Variants in FAM151B observed in about 807,000 individuals in gnomAD.
FAM151B encodes the protein protein FAM151B.
A neutral mutation model predicts 31.2 loss-of-function variants in FAM151B; 24 were observed. The observed-to-expected ratio is 0.77, with a 90% CI of 0.56 to 1.08. The LOEUF is 1.08. Among genes scored for constraint, FAM151B ranks in the 50% least tolerant of loss-of-function variants. The probability of loss-of-function intolerance (pLI) is 0.00; values close to 1 mark genes in which losing one functional copy is unlikely to be tolerated. For missense variants in FAM151B, 293 were observed against 328.6 expected (o/e 0.89, Z 0.84); for synonymous variants, 105 against 111.4 (o/e 0.94, Z 0.36).
chr5:80,498,693 G>T, intron 1 of FAM151B: 1 of 605,462 alleles, frequency 1.7e-6, no homozygotes, highest in South Asian at 1.4e-5. Flanking sequence ...TTTCAGGACA[G>T]CCAGCTTCAT....
intron 1 of FAM151B, 57 bp downstream of exon 1, chr5:80,488,205 C>T (rs1197662164): frequency 6.6e-7 from 1 of 1,513,616 alleles, no homozygotes; most frequent in East Asian, 2.6e-5. Context: ...GAGGCTCCGC[C>T]GGCCGTACCC....
intron 4 of FAM151B, among the ~76,000 whole-genome samples, chr5:80,521,673 G>T (rs1233814682): frequency 9.2e-5 from 14 of 152,108 alleles, no homozygotes; most frequent in Non-Finnish European, 2.1e-4. Flanking sequence ...GTACCTAAAA[G>T]AAGAGCCTTA....
At chr5:80,500,994 A>G (rs1172535974) in intron 1 of FAM151B, 1 of 622,498 alleles carries the variant, frequency 1.6e-6, no homozygotes, top group Non-Finnish European at 2.8e-6. Flanking sequence ...GAATGAAGAA[A>G]AAGACCATCC....
chr5:80,501,889 C>T lies in FAM151B; in HGVS notation c.123C>T (p.His41=). The change falls in exon 2 of 6, where the codon CAC becomes CAT. Residue 41 remains histidine (H), a synonymous_variant. Transcript: ENST00000282226. ...AEITWYHAAN[H]KAQTNEALKS... ...TCACCTGGTATCATGCAGCTAACCA[C>T]AAGGCACAAACAAATGAGGCACTGA... 1 of 1,603,390 alleles carries T rather than the reference C, an allele frequency of 6.2e-7. No homozygotes were observed.
intron 4 of FAM151B, 114 bp from the exon 5 acceptor site, chr5:80,521,889 G>A (rs1454360654): frequency 7.5e-6 from 5 of 667,748 alleles, no homozygotes; most frequent in Non-Finnish European, 1.1e-5. Flanking sequence ...AAAGTATTAT[G>A]AATTACCTAT....
chr5:80,488,420 T>C lies in FAM151B; in HGVS notation c.25+272T>C, dbSNP rs370336267. 1.1e-4 allele frequency among the ~76,000 whole-genome samples: 17 copies of C among 152,304 alleles called. 1 individual carries two copies. Among genetic ancestry groups the C allele is most frequent in the African/African-American group, 3.8e-4 (16 of 41,582 alleles). ...GGGTCAGTGTCTTTTGAGGTCTGGG[T>C]TGGAAAGAAAGGAATGTGACGTTTC... On this transcript the variant is annotated intron_variant, in intron 1 of 5. Transcript: ENST00000282226.
intron 5 of FAM151B, among the ~76,000 whole-genome samples, chr5:80,524,489 C>G (rs1355251174): frequency 1.3e-5 from 2 of 152,004 alleles, no homozygotes; most frequent in Non-Finnish European, 2.9e-5. Context: ...TACCTACTTA[C>G]TCTCATTTTA....
chr5:80,494,467 T>TC (rs59196389), intron 1 of FAM151B, among the ~76,000 whole-genome samples: 13 of 47,426 alleles, frequency 2.7e-4, no homozygotes, highest in African/African-American at 7.2e-4. Context: ...TTTCTTTCTT[T>TC]CTTTCTTTCT....
intron 1 of FAM151B, chr5:80,500,914 A>G: frequency 1.3e-6 from 1 of 769,980 alleles, no homozygotes; most frequent in Non-Finnish European, 2.3e-6. Context: ...TGAGATCTAT[A>G]CTGTTGGAAA....
chr5:80,527,185 G>T (rs1468803355), intron 5 of FAM151B, among the ~76,000 whole-genome samples: 1 of 152,124 alleles, frequency 6.6e-6, no homozygotes, highest in Non-Finnish European at 1.5e-5. Flanking sequence ...CACTTTGAGA[G>T]GCCAAGGTGG....
At chr5:80,493,197 C>T (rs140027701) in intron 1 of FAM151B, among the ~76,000 whole-genome samples, 7 of 152,180 alleles carry the variant, frequency 4.6e-5, no homozygotes, top group East Asian at 1.9e-4. Context: ...CAGCTGGAGC[C>T]GAGGCAGAAG....
rs869249722 is a variant in FAM151B, at chr5:80,494,443, T to TTTTC, written c.25+6307_25+6310dup. 7.2e-4 allele frequency among the ~76,000 whole-genome samples: 61 copies of TTTTC among 84,448 alleles called. 1 individual carries two copies. Among genetic ancestry groups the TTTTC allele is most frequent in the African/African-American group, 1.3e-3 (34 of 26,522 alleles). 55.4% of individuals were successfully genotyped at this position (84,448 alleles called of 152,430 possible). A position where few individuals can be genotyped will look rare whatever the true frequency, so the allele number is the denominator to read the frequency against. ...TTTCTTTCTTTCTGTCTTTCTTTCT[T>TTTTC]TTTCTTTCTTTCTTTTCTTTCTTTC... On this transcript the variant is annotated intron_variant, in intron 1 of 5. Transcript: ENST00000282226.
chr5:80,506,190 C>A (rs897577138), intron 2 of FAM151B: 4 of 850,476 alleles, frequency 4.7e-6, no homozygotes, highest in Non-Finnish European at 5.7e-6. Flanking sequence ...TCATATTGCT[C>A]CCATGGTGGG....
intron 1 of FAM151B, among the ~76,000 whole-genome samples, chr5:80,493,294 C>G (rs1204820441): frequency 6.6e-6 from 1 of 152,176 alleles, no homozygotes; most frequent in African/African-American, 2.4e-5. Context: ...ACTTTAATCT[C>G]TTAATCATGT....
At chr5:80,493,848 A>T (rs1422311231) in intron 1 of FAM151B, among the ~76,000 whole-genome samples, 1 of 152,094 alleles carries the variant, frequency 6.6e-6, no homozygotes, top group Non-Finnish European at 1.5e-5. Context: ...TTGCCTTGTG[A>T]TCTTAATTGC....
chr5:80,516,447 C>T (rs908318957), intron 3 of FAM151B, among the ~76,000 whole-genome samples: 4 of 152,060 alleles, frequency 2.6e-5, no homozygotes, highest in Non-Finnish European at 2.9e-5. Context: ...ATTTTAAGTA[C>T]GATATTTATT....
At chr5:80,501,605 A>G (rs1743750532) in intron 1 of FAM151B, among the ~76,000 whole-genome samples, 187 bp from the exon 2 acceptor site, 1 of 152,066 alleles carries the variant, frequency 6.6e-6, no homozygotes, top group Non-Finnish European at 1.5e-5. Context: ...GAGAAAACAG[A>G]TATGTGAGAT....
rs2443552 is a variant in FAM151B, at chr5:80,536,160, A to T, written c.672-5513A>T. 9.7e-3 allele frequency among the ~76,000 whole-genome samples: 1,373 copies of T among 141,962 alleles called. 21 individuals are homozygous for T. The highest frequency in any genetic ancestry group is 0.031 in the African/African-American group (1,233 of 40,194). 93.1% of individuals were successfully genotyped at this position (141,962 alleles called of 152,430 possible). A position where few individuals can be genotyped will look rare whatever the true frequency, so the allele number is the denominator to read the frequency against. The stretch of plus-strand genomic sequence containing the variant: ...CGAGGGTTTTAGTTTAGTTTAGTTT[A>T]GTTTTGTTTTGTTTTGTTTTGTTTT... On this transcript the variant is annotated intron_variant, in intron 5 of 5. Coordinates refer to ENST00000282226, the MANE Select transcript of FAM151B (RefSeq NM_205548.3).
chr5:80,505,668 A>G (rs918158735), intron 2 of FAM151B, among the ~76,000 whole-genome samples: 1 of 151,114 alleles, frequency 6.6e-6, no homozygotes, highest in African/African-American at 2.4e-5. Flanking sequence ...TGCTGGGATT[A>G]CAGGCGTGAG....
Sources: gnomAD v4.1 joint callset for allele counts (sites outside exome capture counted in the v4.1 genomes callset) on GRCh38, gnomAD v4.1.1 for gene constraint, MANE v1.5 for transcripts, NCBI Gene and HGNC (gene_info 2026-07-23, HGNC 2026-07-21) for gene names.